The following ACOXL variants were observed in gnomAD, a reference collection of about 807,000 sequenced individuals.
ACOXL encodes acyl-coenzyme A oxidase-like protein.
In ACOXL, 70 loss-of-function variants were observed where a neutral mutation model predicts 71.9. The ratio of observed to expected loss-of-function variants is 0.97; its 90% CI spans 0.80 to 1.19. The LOEUF (loss-of-function observed/expected upper bound fraction) is 1.19, where lower values mean the gene tolerates loss of function less well. Ranked by LOEUF, ACOXL falls within the 50% of genes most tolerant of loss-of-function variation. ACOXL has a pLI of 0.00. For synonymous variants in ACOXL, 253 were observed against 281.6 expected (o/e 0.90, Z 1.02); for missense variants, 703 against 736.3 (o/e 0.95, Z 0.52).
At chr2:110,954,047 A>G (rs2061418024) in intron 12 of ACOXL, among the ~76,000 whole-genome samples, 1 of 152,216 alleles carries the variant, frequency 6.6e-6, no homozygotes, top group Admixed American at 6.5e-5. Flanking sequence ...TTATTTTGAC[A>G]TTGCATTATT....
intron 3 of ACOXL, among the ~76,000 whole-genome samples, chr2:110,791,278 G>A (rs564052491): frequency 7.9e-5 from 12 of 152,326 alleles, no homozygotes; most frequent in Non-Finnish European, 1.5e-5. Flanking sequence ...CACAGCCCAG[G>A]GTGCCTACTA....
chr2:110,745,149 C>T (rs1365799465), intron 1 of ACOXL, among the ~76,000 whole-genome samples: 1 of 152,214 alleles, frequency 6.6e-6, no homozygotes, highest in Non-Finnish European at 1.5e-5. Flanking sequence ...TCACATTGGC[C>T]TCAGGTGTGG....
intron 10 of ACOXL, among the ~76,000 whole-genome samples, chr2:110,860,501 C>G (rs1455891175): frequency 6.6e-6 from 1 of 152,202 alleles, no homozygotes; most frequent in East Asian, 1.9e-4. Context: ...GGTGTCTGTG[C>G]ATCACCTTGG....
At chr2:110,856,441 A>G (rs1222253102) in intron 10 of ACOXL, among the ~76,000 whole-genome samples, 2 of 152,220 alleles carry the variant, frequency 1.3e-5, no homozygotes, top group Non-Finnish European at 2.9e-5. Context: ...AAGAGTCGTG[A>G]TGCTGGCAAT....
At chr2:111,080,998 C>T (rs1276115472) in intron 16 of ACOXL, among the ~76,000 whole-genome samples, 5 of 152,112 alleles carry the variant, frequency 3.3e-5, no homozygotes. Flanking sequence ...TCTCAATAAA[C>T]TAGGTATCGA....
chr2:111,035,481 G>A (rs979345509), intron 15 of ACOXL, among the ~76,000 whole-genome samples: 2 of 152,166 alleles, frequency 1.3e-5, no homozygotes, highest in Admixed American at 1.3e-4. Context: ...GGAGAAAGGA[G>A]GCACTTTTAT....
At chr2:110,790,902 GT>G (rs1157056341) in intron 3 of ACOXL, among the ~76,000 whole-genome samples, 1 of 152,206 alleles carries the variant, frequency 6.6e-6, no homozygotes, top group Non-Finnish European at 1.5e-5. Flanking sequence ...ACACCCAGGT[GT>G]CTCTCAGAGT....
At chr2:110,743,622 G>C (rs866269928) in intron 1 of ACOXL, among the ~76,000 whole-genome samples, 3 of 152,132 alleles carry the variant, frequency 2.0e-5, no homozygotes, top group Admixed American at 6.5e-5. Flanking sequence ...CGGGATCCTC[G>C]ATTGACCAGG....
chr2:111,098,832 A>G (rs970317361), intron 17 of ACOXL: 2 of 152,178 alleles, frequency 1.3e-5, no homozygotes, highest in African/African-American at 4.8e-5. Flanking sequence ...AATAAATAAA[A>G]CTTTCCAGAA....
At chr2:111,008,097 T>C (rs2063961542) in intron 14 of ACOXL, among the ~76,000 whole-genome samples, 1 of 152,242 alleles carries the variant, frequency 6.6e-6, no homozygotes, top group Non-Finnish European at 1.5e-5. Flanking sequence ...TTACAGTATC[T>C]AGTCAAAACA....
At chr2:110,829,616 C>G (rs1689583530) in intron 9 of ACOXL, among the ~76,000 whole-genome samples, 1 of 152,160 alleles carries the variant, frequency 6.6e-6, no homozygotes, top group Non-Finnish European at 1.5e-5. Context: ...TCACAGTGAC[C>G]ACACTTCTGT....
At chr2:111,073,330 T>C (rs573662528) in intron 16 of ACOXL, among the ~76,000 whole-genome samples, 13 of 151,994 alleles carry the variant, frequency 8.6e-5, no homozygotes, top group Admixed American at 5.9e-4. Flanking sequence ...AACTCTTCGT[T>C]AAACCTCAAG....
At chr2:111,098,055 G>A (rs1403916375) in intron 17 of ACOXL, among the ~76,000 whole-genome samples, 1 of 152,182 alleles carries the variant, frequency 6.6e-6, no homozygotes, top group Non-Finnish European at 1.5e-5. Context: ...AAATGATTAA[G>A]GTACATATCA....
intron 10 of ACOXL, among the ~76,000 whole-genome samples, chr2:110,903,251 C>T (rs572598960): frequency 2.6e-5 from 4 of 152,236 alleles, no homozygotes; most frequent in African/African-American, 9.6e-5. Context: ...CGCGGCCCCC[C>T]CAGAGGCTGC....
intron 14 of ACOXL, among the ~76,000 whole-genome samples, chr2:111,014,492 A>G (rs929008538): frequency 2.0e-5 from 3 of 152,226 alleles, no homozygotes; most frequent in Admixed American, 6.5e-5. Flanking sequence ...AAGTAACTGG[A>G]GTAGTATGCT....
chr2:110,770,927 GT>G (rs1269158378), intron 2 of ACOXL, among the ~76,000 whole-genome samples: 2 of 152,228 alleles, frequency 1.3e-5, no homozygotes, highest in Non-Finnish European at 2.9e-5. Flanking sequence ...ATTAGCCTCT[GT>G]AATCTCGCTC....
chr2:110,945,719 A>G (rs2061077797), intron 12 of ACOXL, among the ~76,000 whole-genome samples: 1 of 152,194 alleles, frequency 6.6e-6, no homozygotes, highest in Non-Finnish European at 1.5e-5. Flanking sequence ...TTTTTGTACC[A>G]GTACCATGCT....
chr2:110,950,810 GGAGAGAGAGA>G (rs71383892), intron 12 of ACOXL, among the ~76,000 whole-genome samples: 1 of 142,796 alleles, frequency 7.0e-6, no homozygotes, highest in African/African-American at 2.6e-5. Flanking sequence ...GGTGGGGGGT[GGAGAGAGAGA>G]GAGAGAGAGA....
intron 1 of ACOXL, among the ~76,000 whole-genome samples, chr2:110,746,562 A>G (rs748400058): frequency 1.3e-5 from 2 of 152,066 alleles, no homozygotes; most frequent in African/African-American, 2.4e-5. Flanking sequence ...GCCTGCCTCC[A>G]TGAGGGGGCT....
Sources: allele counts gnomAD v4.1 joint callset (sites outside exome capture counted in the v4.1 genomes callset), GRCh38; gene constraint gnomAD v4.1.1; transcripts MANE v1.5; gene names NCBI Gene and HGNC (gene_info 2026-07-23, HGNC 2026-07-21).